Variants in TAFA5 observed in about 807,000 individuals in gnomAD.
TAFA5 encodes TAFA chemokine like family member 5.
TAFA5 carries 6 observed loss-of-function variants against 15.3 expected under a neutral mutation model. The ratio of observed to expected loss-of-function variants is 0.39; its 90% CI spans 0.21 to 0.77. The LOEUF is 0.77. Ranked by LOEUF, TAFA5 falls within the 30% of genes least tolerant of loss-of-function variation. The pLI, the probability that TAFA5 is intolerant of heterozygous loss-of-function variation, is 0.41. For synonymous variants in TAFA5, 103 were observed against 80.7 expected, an observed-to-expected ratio of 1.28 and a Z score of -1.48; for missense variants, 161 against 193.1, an observed-to-expected ratio of 0.83 and a Z score of 0.98.
chr22:48,503,961 C>G (rs1364223085), intron 1 of TAFA5, among the ~76,000 whole-genome samples: 1 of 152,218 alleles, frequency 6.6e-6, no homozygotes, highest in African/African-American at 2.4e-5. Flanking sequence ...GGACCACACA[C>G]TCACACTCAG....
chr22:48,733,179 T>G (rs969019678), intron 3 of TAFA5, among the ~76,000 whole-genome samples: 5 of 152,206 alleles, frequency 3.3e-5, no homozygotes, highest in East Asian at 1.9e-4. Flanking sequence ...ACTGAATATT[T>G]TAAAAAGTCT....
At chr22:48,692,081 G>C (rs983883981) in intron 2 of TAFA5, among the ~76,000 whole-genome samples, 13 of 152,150 alleles carry the variant, frequency 8.5e-5, no homozygotes, top group Admixed American at 3.3e-4. Context: ...ACCTGGGATG[G>C]GGCAGTGTGC....
rs1449204412 is a variant in TAFA5, at chr22:48,542,176, G to GATGTGTGTGTCGTGTGT, written c.112+52483_112+52499dup. On this transcript the variant is annotated intron_variant, in intron 1 of 3. Coordinates refer to ENST00000402357, the MANE Select transcript of TAFA5 (RefSeq NM_001082967.3). ...GTGTGGGGGGTGTGTGTGCATGTGT[G>GATGTGTGTGTCGTGTGT]ATGTGTGTGTCGTGTGTATGTGTGT... Among the ~76,000 whole-genome samples the GATGTGTGTGTCGTGTGT allele has an allele frequency of 1.7e-3, 228 of 137,080 alleles. 1 individual carries two copies. Among genetic ancestry groups the GATGTGTGTGTCGTGTGT allele is most frequent in the African/African-American group, 6.1e-3 (212 of 34,644 alleles). The allele number at this position is 137,080 out of a possible 152,430, so 89.9% of individuals were successfully genotyped here. A position where few individuals can be genotyped will look rare whatever the true frequency, so the allele number is the denominator to read the frequency against.
intron 2 of TAFA5, among the ~76,000 whole-genome samples, chr22:48,697,303 G>C (rs1206221553): frequency 6.6e-6 from 1 of 152,212 alleles, no homozygotes; most frequent in Non-Finnish European, 1.5e-5. Flanking sequence ...ACTCCAGGTA[G>C]CTGCTGACGA....
rs973307479 is a variant in TAFA5, at chr22:48,550,495, G to A, written c.112+60791G>A. ...CAGATGTGAGGGCTTTGACCCCCAC[G>A]GAGCCAGGTGCCCCTGGGAAATGCC... is the stretch of plus-strand genomic sequence containing the variant. On this transcript the variant is annotated intron_variant, in intron 1 of 3. Coordinates refer to ENST00000402357, the MANE Select transcript of TAFA5 (RefSeq NM_001082967.3). The surrounding 1 kb of genome is among the most constrained non-coding windows in gnomAD (Gnocchi z 4.1). Among the ~76,000 whole-genome samples, 1 of 152,182 alleles carries A rather than the reference G, an allele frequency of 6.6e-6. No individual in the cohort carries two copies. Among genetic ancestry groups the A allele is most frequent in the African/African-American group, 2.4e-5 (1 of 41,458 alleles).
intron 1 of TAFA5, among the ~76,000 whole-genome samples, chr22:48,517,881 C>T (rs989828001): frequency 1.3e-5 from 2 of 152,248 alleles, no homozygotes; most frequent in Admixed American, 1.3e-4. Flanking sequence ...TCTGGCAAAG[C>T]CCCCTCTGTT....
In TAFA5 at chr22:48,571,574, G is replaced by GTTTTTT. The variant is rs57578802; in HGVS notation, c.113-74996_113-74991dup. ...AGGCATGAGCCACTGTGCCTGGCCT[G>GTTTTTT]TTTTTTTTTTTTTTTTTTTTTTTTT... On this transcript the variant is annotated intron_variant, in intron 1 of 3. Coordinates refer to ENST00000402357, the MANE Select transcript of TAFA5 (RefSeq NM_001082967.3). 1.3e-3 allele frequency among the ~76,000 whole-genome samples: 39 copies of GTTTTTT among 29,236 alleles called. 6 individuals carry two copies. The highest frequency in any genetic ancestry group is 3.2e-3 in the East Asian group (3 of 946). 19.2% of individuals were successfully genotyped at this position (29,236 alleles called of 152,430 possible).
At chr22:48,641,235 G>C (rs984880594) in intron 1 of TAFA5, among the ~76,000 whole-genome samples, 8 of 152,136 alleles carry the variant, frequency 5.3e-5, no homozygotes, top group Admixed American at 2.0e-4. Context: ...GAATGTGCCA[G>C]GTGGCCACAT....
chr22:48,649,758 G>A (rs953821174), intron 2 of TAFA5, among the ~76,000 whole-genome samples: 5 of 152,138 alleles, frequency 3.3e-5, no homozygotes, highest in Admixed American at 1.3e-4. Flanking sequence ...ACACTGATGC[G>A]TCTCAAGACT....
intron 2 of TAFA5, among the ~76,000 whole-genome samples, chr22:48,676,786 C>G (rs1927987353): frequency 6.6e-6 from 1 of 152,242 alleles, no homozygotes; most frequent in Non-Finnish European, 1.5e-5. Flanking sequence ...GGTTTCTCCA[C>G]TCCCAAGCCA....
intron 1 of TAFA5, among the ~76,000 whole-genome samples, chr22:48,605,384 ATGG>A (rs1347791161): frequency 1.2e-4 from 9 of 73,608 alleles, no homozygotes; most frequent in Non-Finnish European, 6.1e-5. Context: ...GATGGTGATC[ATGG>A]TGGTAATGGT....
chr22:48,509,843 T>C (rs1004714862), intron 1 of TAFA5, among the ~76,000 whole-genome samples: 68 of 150,378 alleles, frequency 4.5e-4, no homozygotes, highest in African/African-American at 1.6e-3. Flanking sequence ...CCCAGCTACT[T>C]GGGAGGCTGA....
rs533024692 is a variant in TAFA5, at chr22:48,654,569, C to T, written c.262+7823C>T. Among the ~76,000 whole-genome samples the T allele has an allele frequency of 2.4e-4, 37 of 152,368 alleles. No homozygotes were observed. In the South Asian group the frequency reaches 6.4e-3, roughly 26 times the overall value. On this transcript the variant is annotated intron_variant, in intron 2 of 3. Coordinates refer to ENST00000402357, the MANE Select transcript of TAFA5 (RefSeq NM_001082967.3). ...GACCCCAGGCTGTGCTGCCCAGGCA[C>T]GTCCCATCCCTCGTCCTGTTGGGCC...
intron 2 of TAFA5, among the ~76,000 whole-genome samples, chr22:48,650,997 C>T (rs1246095696): frequency 6.6e-6 from 1 of 152,248 alleles, no homozygotes; most frequent in Non-Finnish European, 1.5e-5. Flanking sequence ...GTGTCCGAGT[C>T]CAGCGCTCAC....
chr22:48,690,076 C>T (rs1928490883), intron 2 of TAFA5, among the ~76,000 whole-genome samples: 1 of 146,112 alleles, frequency 6.8e-6, no homozygotes, highest in Non-Finnish European at 1.5e-5. Context: ...GAGATGTCCA[C>T]CCTGCCCTGT....
rs1317629407 is a variant in TAFA5 at position 48,707,780 on chromosome 22, A to G, written c.326A>G (p.Asp109Gly). 2 of 1,613,882 alleles carry G rather than the reference A, an allele frequency of 1.2e-6. No individual in the cohort carries two copies. Among genetic ancestry groups the G allele is most frequent in the Non-Finnish European group, 1.7e-6 (2 of 1,179,868 alleles). ...CCGTGTCTGGAGGGGGAAGGCTGCG[A>G]CTTGTTAATCAACCGGTCAGGCTGG... ...MLPCLEGEGC[D>G]LLINRSGWTC... Residue 109 changes from aspartate to glycine, a missense_variant, in exon 3 of 4, where the codon GAC becomes GGC. Asp to Gly is a moderately conservative substitution (Grantham distance 94). Coordinates refer to ENST00000402357, the MANE Select transcript of TAFA5 (RefSeq NM_001082967.3).
intron 1 of TAFA5, among the ~76,000 whole-genome samples, chr22:48,515,706 C>T (rs1921380510): frequency 6.6e-6 from 1 of 152,214 alleles, no homozygotes; most frequent in Non-Finnish European, 1.5e-5. Flanking sequence ...CGGGAGGCCC[C>T]CGGCTCCAGG....
chr22:48,502,902 A>T (rs1486670441), intron 1 of TAFA5, among the ~76,000 whole-genome samples: 1 of 152,180 alleles, frequency 6.6e-6, no homozygotes, highest in Non-Finnish European at 1.5e-5. Flanking sequence ...CCATTCCCTG[A>T]TAGCACATCC....
chr22:48,598,155 G>T lies in TAFA5; in HGVS notation c.113-48442G>T, dbSNP rs907164479. Among the ~76,000 whole-genome samples, 3 of 152,222 alleles carry T rather than the reference G, an allele frequency of 2.0e-5. No homozygotes were observed. The highest frequency in any genetic ancestry group is 4.4e-5 in the Non-Finnish European group (3 of 68,038). ...AGCTGGCGTCGTGAGGCCTCCGCTG[G>T]AGAATTCTTTTCTTGCTTGAGGAAG... On this transcript the variant is annotated intron_variant, in intron 1 of 3. Coordinates refer to ENST00000402357, the MANE Select transcript of TAFA5 (RefSeq NM_001082967.3). The surrounding 1 kb of genome is among the most constrained non-coding windows in gnomAD (Gnocchi z 4.0).
Sources: gnomAD v4.1 joint callset for allele counts (sites outside exome capture counted in the v4.1 genomes callset) on GRCh38, gnomAD v4.1.1 for gene constraint, Gnocchi (gnomAD v3.1) non-coding constraint, MANE v1.5 for transcripts, NCBI Gene and HGNC (gene_info 2026-07-23, HGNC 2026-07-21) for gene names.